TTC7A: variants seen among roughly 807,000 people sequenced by gnomAD.
TTC7A encodes the protein tetratricopeptide repeat domain 7A.
Under a neutral mutation model 103.7 loss-of-function variants are expected in TTC7A, and 110 were observed. The observed-to-expected ratio is 1.06, with a 90% confidence interval of 0.91 to 1.24. TTC7A has a LOEUF of 1.24. TTC7A is among the 50% of genes most tolerant of loss of function. The pLI is 0.00. For missense variants in TTC7A, 1,340 were observed against 1,116.3 expected (o/e 1.20, Z -2.86); for synonymous variants, 521 against 467.9 (o/e 1.11, Z -1.47).
chr2:46,999,696 G>T (rs1227895325), intron 8 of TTC7A: 1 of 985,322 alleles, frequency 1.0e-6, no homozygotes, highest in African/African-American at 1.7e-5. Context: ...TATCAAACCA[G>T]CCTGATTTTC....
intron 4 of TTC7A, 127 bp downstream of exon 4, chr2:46,975,230 C>A: frequency 1.6e-6 from 2 of 1,231,772 alleles, no homozygotes; most frequent in Non-Finnish European, 2.3e-6. Flanking sequence ...CCCCCAAAGA[C>A]ACTCTACTTC....
intron 2 of TTC7A, among the ~76,000 whole-genome samples, chr2:46,952,281 A>G (rs1193246270): frequency 6.6e-6 from 1 of 152,218 alleles, no homozygotes; most frequent in Non-Finnish European, 1.5e-5. Context: ...TCTGCTGGTC[A>G]AAAGGGTTGG....
At chr2:46,988,882 C>A (rs1675314773) in intron 5 of TTC7A, among the ~76,000 whole-genome samples, 1 of 152,128 alleles carries the variant, frequency 6.6e-6, no homozygotes, top group South Asian at 2.1e-4. Context: ...TAAGTGACAG[C>A]CTGGAAAGGC....
At chr2:47,053,800 C>T (rs6544952) in intron 18 of TTC7A, among the ~76,000 whole-genome samples, 27,012 of 152,150 alleles carry the variant, frequency 0.18, 2,500 homozygotes, top group Non-Finnish European at 0.2. Context: ...GTTTCGAACT[C>T]CTCACCTCAG....
At chr2:46,982,389 G>A (rs1255440904) in intron 5 of TTC7A, among the ~76,000 whole-genome samples, 1 of 151,254 alleles carries the variant, frequency 6.6e-6, no homozygotes, top group Non-Finnish European at 1.5e-5. Flanking sequence ...AAAAAAAAAA[G>A]AATAGGTTGG....
intron 1 of TTC7A, among the ~76,000 whole-genome samples, chr2:46,942,894 TTTTGTTTG>T (rs370525644): frequency 1.1e-3 from 172 of 151,950 alleles, no homozygotes; most frequent in African/African-American, 3.7e-3. Flanking sequence ...TTGTTTTTGT[TTTTGTTTG>T]TTTGTTTGTT....
intron 8 of TTC7A, among the ~76,000 whole-genome samples, chr2:46,996,596 T>A (rs888038081): frequency 6.6e-6 from 1 of 152,156 alleles, no homozygotes; most frequent in African/African-American, 2.4e-5. Context: ...CTGGTCCATG[T>A]TGGATCTGAG....
At chr2:46,917,188 G>GA in exon 2 of TTC7A, 1 of 700,640 alleles carries the variant, frequency 1.4e-6, no homozygotes, top group Non-Finnish European at 2.6e-6. Flanking sequence ...TTAAAGAAAA[G>GA]AGTCTCCATG....
At chr2:47,070,671 ATGT>A in intron 19 of TTC7A, among the ~76,000 whole-genome samples, 1 of 152,102 alleles carries the variant, frequency 6.6e-6, no homozygotes, top group East Asian at 1.9e-4. Flanking sequence ...AGCACTTGAG[ATGT>A]GGCCACACAT....
chr2:47,067,478 G>C (rs983663254), intron 19 of TTC7A, among the ~76,000 whole-genome samples: 1 of 152,250 alleles, frequency 6.6e-6, no homozygotes, highest in African/African-American at 2.4e-5. Flanking sequence ...GTGCTGAGAA[G>C]ACAGGGAGGG....
In TTC7A at chr2:47,005,985, C is replaced by G. The variant is rs117304542; in HGVS notation, c.1129C>G (p.Gln377Glu). 3.8e-3 allele frequency: 6,197 copies of G among 1,613,960 alleles called. 174 individuals are homozygous for G. The South Asian group carries it at 0.041, about 11-fold the overall frequency. The part of the protein sequence containing the change: ...EQEEDRTVSL[Q>E]NAAAIYDLLS... Reference sequence around the variant, plus strand: ...GGAGGAGGACCGGACAGTGAGCTTGCAGAATGCCGCAGCCATCTATGACCT... The same window carrying G: ...GGAGGAGGACCGGACAGTGAGCTTGGAGAATGCCGCAGCCATCTATGACCT... The change falls in exon 9 of 20, where the codon CAG becomes GAG. Residue 377 changes from glutamine to glutamate, a missense_variant. Physicochemically the swap from Gln to Glu is conservative, Grantham distance 29. Transcript: ENST00000319190.
intron 2 of TTC7A, among the ~76,000 whole-genome samples, chr2:46,926,008 C>T (rs778774635): frequency 4.6e-5 from 7 of 152,156 alleles, no homozygotes; most frequent in East Asian, 1.9e-4. Flanking sequence ...TGGGTTTGTC[C>T]GGTAATATCT....
At chr2:46,929,862 CAG>C (rs1472691759) in intron 2 of TTC7A, among the ~76,000 whole-genome samples, 1 of 152,170 alleles carries the variant, frequency 6.6e-6, no homozygotes. Flanking sequence ...CACACCTAGA[CAG>C]AAGTTTTAAG....
At chr2:46,956,295 C>T (rs1367383280) in intron 2 of TTC7A, among the ~76,000 whole-genome samples, 1 of 147,952 alleles carries the variant, frequency 6.8e-6, no homozygotes, top group African/African-American at 2.7e-5. Context: ...AGCAGGCCCT[C>T]TCCTCCTCAA....
chr2:46,974,678 G>A (rs777561498), intron 3 of TTC7A: 22 of 512,902 alleles, frequency 4.3e-5, no homozygotes, highest in African/African-American at 3.3e-4. Flanking sequence ...ATTCTCTTTC[G>A]CTTAGAAAAA....
intron 5 of TTC7A, among the ~76,000 whole-genome samples, chr2:46,987,055 A>G (rs910273231): frequency 3.3e-5 from 5 of 152,150 alleles, no homozygotes; most frequent in African/African-American, 9.7e-5. Flanking sequence ...GTGGCTGATG[A>G]CAGGGTTCCT....
chr2:46,995,915 A>G (rs979153212), intron 8 of TTC7A, among the ~76,000 whole-genome samples: 3 of 152,264 alleles, frequency 2.0e-5, no homozygotes, highest in African/African-American at 4.8e-5. Context: ...CGTGAATGCT[A>G]TGGGAAAAGA....
At chr2:46,943,654 A>G (rs1273499689) in intron 1 of TTC7A, among the ~76,000 whole-genome samples, 1 of 152,134 alleles carries the variant, frequency 6.6e-6, no homozygotes, top group Admixed American at 6.5e-5. Context: ...CTTTCTCTAC[A>G]GGGTTCCTTG....
chr2:47,069,053 C>T (rs1371668393), intron 19 of TTC7A, among the ~76,000 whole-genome samples: 1 of 152,070 alleles, frequency 6.6e-6, no homozygotes, highest in African/African-American at 2.4e-5. Flanking sequence ...CGGGGACTCA[C>T]TTCTAGAACC....
Sources: allele counts gnomAD v4.1 joint callset (sites outside exome capture counted in the v4.1 genomes callset), GRCh38; gene constraint gnomAD v4.1.1; transcripts MANE v1.5; gene names NCBI Gene and HGNC (gene_info 2026-07-23, HGNC 2026-07-21).